TUSC3: variants seen among roughly 807,000 people sequenced by gnomAD.
The protein encoded by TUSC3 is tumor suppressor candidate 3.
Under a neutral mutation model 44.8 loss-of-function variants are expected in TUSC3, and 45 were observed. The ratio of observed to expected loss-of-function variants is 1.00; its 90% CI spans 0.79 to 1.29. The LOEUF is 1.29. Among genes scored for constraint, TUSC3 ranks in the 50% most tolerant of loss-of-function variants. The pLI is 0.00. For synonymous variants in TUSC3, 212 were observed against 152.9 expected (o/e 1.39, Z -2.85); for missense variants, 519 against 437.9 (o/e 1.19, Z -1.65).
intron 1 of TUSC3, among the ~76,000 whole-genome samples, chr8:15,554,538 T>C (rs1802169570): frequency 6.6e-6 from 1 of 151,362 alleles, no homozygotes; most frequent in Admixed American, 6.6e-5. Flanking sequence ...GAGCTCTTAG[T>C]GCACTATAGT....
intron 1 of TUSC3, among the ~76,000 whole-genome samples, chr8:15,575,901 A>G (rs1418212452): frequency 6.6e-6 from 1 of 152,144 alleles, no homozygotes. Flanking sequence ...TGAATTTTAC[A>G]TTGGGGAAAG....
At chr8:15,601,663 C>T (rs2410278) in intron 1 of TUSC3, among the ~76,000 whole-genome samples, 4 of 151,438 alleles carry the variant, frequency 2.6e-5, no homozygotes, top group Non-Finnish European at 5.9e-5. Context: ...AGCAATAGGG[C>T]CATTGGTTTA....
At chr8:15,730,860 A>G (rs571041693) in intron 7 of TUSC3, 131 bp downstream of exon 7, 2 of 789,176 alleles carry the variant, frequency 2.5e-6, no homozygotes, top group East Asian at 2.7e-5. Context: ...CTATATGACT[A>G]ATTTTTATTT....
intron 1 of TUSC3, among the ~76,000 whole-genome samples, chr8:15,445,531 G>C (rs888793462): frequency 3.9e-5 from 6 of 152,140 alleles, no homozygotes; most frequent in African/African-American, 1.4e-4. Context: ...TAACGAGCAT[G>C]CTGCCTTCAA....
intron 6 of TUSC3, among the ~76,000 whole-genome samples, chr8:15,678,084 C>G (rs7819021): frequency 0.22 from 33,405 of 151,960 alleles, 4,333 homozygotes; most frequent in Non-Finnish European, 0.3. Flanking sequence ...AGCCACTGAA[C>G]CTTATTTCTG....
chr8:15,820,982 T>C, the TUSC3 span, among the ~76,000 whole-genome samples: 1 of 152,200 alleles, frequency 6.6e-6, no homozygotes, highest in Non-Finnish European at 1.5e-5. Context: ...CCACTTTTGT[T>C]ACTCTTAACA....
At chr8:15,636,791 G>A (rs1373922150) in intron 2 of TUSC3, among the ~76,000 whole-genome samples, 1 of 152,178 alleles carries the variant, frequency 6.6e-6, no homozygotes, top group African/African-American at 2.4e-5. Flanking sequence ...TGCCTAAAGA[G>A]TTCATTAAGG....
At chr8:15,633,280 G>C (rs1337838005) in intron 2 of TUSC3, among the ~76,000 whole-genome samples, 1 of 152,146 alleles carries the variant, frequency 6.6e-6, no homozygotes, top group East Asian at 1.9e-4. Context: ...AAGTCGTCTA[G>C]GGTAGTTCTC....
At chr8:15,721,147 G>A (rs1810291952) in intron 6 of TUSC3, among the ~76,000 whole-genome samples, 1 of 151,910 alleles carries the variant, frequency 6.6e-6, no homozygotes, top group African/African-American at 2.4e-5. Context: ...CACCCCATAA[G>A]TAAGAAAAAA....
At chr8:15,531,248 C>T (rs1246043694) in intron 2 of TUSC3, among the ~76,000 whole-genome samples, 3 of 152,168 alleles carry the variant, frequency 2.0e-5, no homozygotes, top group Non-Finnish European at 2.9e-5. Flanking sequence ...TGCTTTCATT[C>T]CTGCTCTAAA....
rs374988265 is a variant in TUSC3, at chr8:15,426,416, ATTATTGTATTCT to A, written n.91+9126_91+9137del. Among the ~76,000 whole-genome samples the A allele has an allele frequency of 5.7e-4, 87 of 152,274 alleles. 1 individual carries two copies. Among genetic ancestry groups the A allele is most frequent in the African/African-American group, 2.0e-3 (85 of 41,566 alleles). On this transcript the variant is annotated intron_variant and non_coding_transcript_variant, in intron 1 of 5. Coordinates refer to the TUSC3 transcript ENST00000503191. ...AAATTCCCCAGTTTCCCCAAATCCC[ATTATTGTATTCT>A]TTATTGTATTCTTTGCTTCCATGAG...
chr8:15,581,685 C>A (rs538911860), intron 1 of TUSC3, among the ~76,000 whole-genome samples: 3 of 147,426 alleles, frequency 2.0e-5, no homozygotes, highest in African/African-American at 7.6e-5. Context: ...TCTCAGATCT[C>A]CAGCTGCGTG....
At chr8:15,697,269 T>C (rs1348180906) in intron 6 of TUSC3, among the ~76,000 whole-genome samples, 1 of 152,260 alleles carries the variant, frequency 6.6e-6, no homozygotes, top group African/African-American at 2.4e-5. Flanking sequence ...TGTTTTTGTT[T>C]CAATTTCATT....
intron 2 of TUSC3, among the ~76,000 whole-genome samples, chr8:15,528,062 T>C (rs1466728943): frequency 1.3e-5 from 2 of 152,182 alleles, no homozygotes; most frequent in Non-Finnish European, 2.9e-5. Context: ...CTGAAATAGA[T>C]GATGAACTCT....
chr8:15,794,886 G>C, the TUSC3 span, among the ~76,000 whole-genome samples: 5 of 152,100 alleles, frequency 3.3e-5, no homozygotes, highest in African/African-American at 7.2e-5. Flanking sequence ...TCCTCTAAAA[G>C]ACAATCCAAA....
chr8:15,627,413 CTCCGGTTGTTTG>C (rs1805565088), intron 2 of TUSC3, among the ~76,000 whole-genome samples: 2 of 152,224 alleles, frequency 1.3e-5, no homozygotes, highest in Non-Finnish European at 2.9e-5. Context: ...CTTACTCACC[CTCCGGTTGTTTG>C]TGTGCTTCTT....
chr8:15,750,738 G>T (rs1290299797), intron 9 of TUSC3, among the ~76,000 whole-genome samples: 3 of 152,014 alleles, frequency 2.0e-5, no homozygotes, highest in African/African-American at 7.2e-5. Flanking sequence ...TGTGAATGTG[G>T]CATTTGAACA....
Position 15,584,047 on chromosome 8 carries a change from G to GCT in TUSC3, c.139-39033_139-39032insCT, listed in dbSNP as rs547882635. Among the ~76,000 whole-genome samples the GCT allele has an allele frequency of 3.4e-3, 517 of 152,308 alleles. 4 individuals are homozygous for GCT. The highest frequency in any genetic ancestry group is 0.012 in the African/African-American group (496 of 41,554). On this transcript the variant is annotated intron_variant, in intron 1 of 10. Transcript: ENST00000503731. The stretch of plus-strand genomic sequence containing the variant: ...TATGTTGTTTAAACAGGTACTTAAA[G>GCT]GCAGTGTAATCAAACACAGCAGCTT...
chr8:15,787,869 C>G, the TUSC3 span, among the ~76,000 whole-genome samples: 7 of 152,256 alleles, frequency 4.6e-5, no homozygotes, highest in Middle Eastern at 3.4e-3. Context: ...TAATCACAAG[C>G]CCAGTATTTA....
Sources: allele counts gnomAD v4.1 joint callset (sites outside exome capture counted in the v4.1 genomes callset), GRCh38; gene constraint gnomAD v4.1.1; transcripts MANE v1.5; gene names NCBI Gene and HGNC (gene_info 2026-07-23, HGNC 2026-07-21).